The following TRMT1 variants were observed in gnomAD, a reference collection of about 807,000 sequenced individuals.
TRMT1 encodes tRNA methyltransferase 1, also known as tRNA (guanine(26)-N(2))-dimethyltransferase.
In TRMT1, 63 loss-of-function variants were observed where a neutral mutation model predicts 75.4. The ratio of observed to expected loss-of-function variants is 0.84; its 90% CI spans 0.68 to 1.03. TRMT1 has a LOEUF of 1.03. Ranked by LOEUF, TRMT1 falls within the 50% of genes least tolerant of loss-of-function variation. The pLI, the probability that TRMT1 is intolerant of heterozygous loss-of-function variation, is 0.00. For missense variants in TRMT1, 870 were observed against 905.3 expected (o/e 0.96, Z 0.50); for synonymous variants, 382 against 358.1 (o/e 1.07, Z -0.75).
rs1190286649 is a variant in TRMT1 at position 13,116,060 on chromosome 19, G to A, written c.255-8C>T. 6.2e-7 allele frequency: 1 copy of A among 1,614,032 alleles called. No individual in the cohort carries two copies. Among genetic ancestry groups the A allele is most frequent in the Non-Finnish European group, 8.5e-7 (1 of 1,180,014 alleles). ...TCGGTGATCACAGCACATCTGGTGGGAGACAGAGGACTAGCTCATACCCCG... is the reference window on the plus strand; with the variant it reads ...TCGGTGATCACAGCACATCTGGTGGAAGACAGAGGACTAGCTCATACCCCG... On this transcript the variant is annotated splice_polypyrimidine_tract_variant and splice_region_variant and intron_variant, in intron 2 of 16. Coordinates refer to ENST00000357720, the MANE Select transcript of TRMT1 (RefSeq NM_001136035.4).
rs2019342292 is a variant in TRMT1 at position 13,116,129 on chromosome 19, G to A, written c.254+17C>T. Reference sequence around the variant, plus strand: ...ACCCACTAGCCGATGCCAGGCTAACGTCTGACCCCTGCTCACGTCAGGTCC... The same window carrying A: ...ACCCACTAGCCGATGCCAGGCTAACATCTGACCCCTGCTCACGTCAGGTCC... On this transcript the variant is annotated intron_variant, in intron 2 of 16. Transcript: ENST00000357720. 1.2e-6 allele frequency: 2 copies of A among 1,613,918 alleles called. No homozygotes were observed. Among genetic ancestry groups the A allele is most frequent in the Admixed American group, 1.7e-5 (1 of 59,992 alleles).
At chr19:13,113,320 C>T (rs773040904) in intron 5 of TRMT1, among the ~76,000 whole-genome samples, 2 of 151,974 alleles carry the variant, frequency 1.3e-5, no homozygotes, top group African/African-American at 2.4e-5. Context: ...TGTGCCACCA[C>T]GCCCAGCTAA....
intron 7 of TRMT1, 124 bp downstream of exon 7, chr19:13,112,581 T>C (rs2019182955): frequency 1.2e-6 from 1 of 815,110 alleles, no homozygotes; most frequent in African/African-American, 1.7e-5. Flanking sequence ...CAGCCTGGGA[T>C]GCATCTGGCC....
chr19:13,112,423 T>C (rs184514263), intron 7 of TRMT1, among the ~76,000 whole-genome samples: 1 of 151,724 alleles, frequency 6.6e-6, no homozygotes, highest in Non-Finnish European at 1.5e-5. Context: ...AAAAAAAAAA[T>C]TTTTTTTTGA....
At position 13,105,320 on chromosome 19, in the gene TRMT1, C is replaced by T. The variant is rs2018805683; in HGVS notation, c.1780G>A (p.Val594Met). The T allele has an allele frequency of 6.2e-7, 1 of 1,613,966 alleles. No homozygotes were observed. The highest frequency in any genetic ancestry group is 8.5e-7 in the Non-Finnish European group (1 of 1,180,048). The change falls in exon 16 of 17, where the codon GTG becomes ATG. Residue 594 changes from valine (V) to methionine (M), a missense_variant. Coordinates refer to ENST00000357720, the MANE Select transcript of TRMT1 (RefSeq NM_001136035.4). ...TTGAGCCGGGCAGCCCGCTGGGCCA[C>T]ATCTTCCGGCGGCTCCTTCCGCTTG... ...QNKRKEPPED[V>M]AQRAARLKTF...
rs761371515 is a variant in TRMT1 at position 13,116,215 on chromosome 19, G to C, written c.185C>G (p.Ala62Gly). Residue 62 changes from alanine (A) to glycine (G), a missense_variant, in exon 2 of 17, where the codon GCC (alanine) becomes GGC (glycine). Coordinates refer to ENST00000357720, the MANE Select transcript of TRMT1 (RefSeq NM_001136035.4). ...GTTGGCACTGGGAAAGGCGATTTTG[G>C]CAGCCCCCTCGGTGACTGTCGTCTC... ...VQETTVTEGA[A>G]KIAFPSANEV... The C allele has an allele frequency of 6.2e-7, 1 of 1,614,168 alleles. No homozygotes were observed.
Position 13,111,814 on chromosome 19 carries a change from C to T in TRMT1, c.870+891G>A, listed in dbSNP as rs2019154657. On this transcript the variant is annotated intron_variant, in intron 7 of 16. Coordinates refer to ENST00000357720, the MANE Select transcript of TRMT1 (RefSeq NM_001136035.4). ...TCCTGGGTTCACGCCATTCTCCTGC[C>T]TCCGCCTCCCGAACAGCTGGGACTA... is the stretch of plus-strand genomic sequence containing the variant. Among the ~76,000 whole-genome samples, 5 of 152,116 alleles carry T rather than the reference C, an allele frequency of 3.3e-5. No homozygotes were observed. In the South Asian group the frequency reaches 8.3e-4, roughly 25 times the overall value.
At chr19:13,111,305 G>T (rs1358272824) in intron 7 of TRMT1, among the ~76,000 whole-genome samples, 1 of 152,052 alleles carries the variant, frequency 6.6e-6, no homozygotes, top group East Asian at 1.9e-4. Flanking sequence ...GAAAGTGCTA[G>T]GATTACAGGC....
rs1325348015 is a variant in TRMT1 at position 13,115,367 on chromosome 19, C to A, written c.553G>T (p.Ala185Ser). The A allele has an allele frequency of 6.2e-7, 1 of 1,613,982 alleles. No homozygotes were observed. Among genetic ancestry groups the A allele is most frequent in the Non-Finnish European group, 8.5e-7 (1 of 1,180,036 alleles). Residue 185 changes from alanine to serine, a missense_variant, in exon 5 of 17, where the codon GCC (alanine) becomes TCC (serine). Coordinates refer to ENST00000357720, the MANE Select transcript of TRMT1 (RefSeq NM_001136035.4). ...ATGAGATCCACAGCCCGGGTGGAGG[C>A]ATCGTTTGCAACCACAGATCTGAGC... Reference protein sequence around the residue: ...PGLRSVVANDASTRAVDLIRR... With the variant: ...PGLRSVVANDSSTRAVDLIRR...
rs1401241989 is a variant in TRMT1 at position 13,107,857 on chromosome 19, G to T, written c.1400C>A (p.Ser467Ter). 3.2e-6 allele frequency: 5 copies of T among 1,551,336 alleles called. No individual in the cohort carries two copies. In the South Asian group the frequency reaches 3.6e-5, roughly 11 times the overall value. The change falls in exon 13 of 17, where the codon TCG becomes TAG. Residue 467 changes from serine (S) to a stop codon, truncating the protein, a stop_gained and splice_region_variant. Transcript: ENST00000357720. LOFTEE classifies it high-confidence loss of function. ...CCGGAAGTCAGCGTGGAGGAGGGCC[G>T]ACCTGGGGAACAGCAGGGATTATGA... ...CNTPSLLQLRSALLHADFRVS... is the reference protein window; with the variant it reads ...CNTPSLLQLR
chr19:13,108,812 T>G (rs1375440445), intron 12 of TRMT1, among the ~76,000 whole-genome samples: 2 of 146,306 alleles, frequency 1.4e-5, no homozygotes, highest in Non-Finnish European at 3.0e-5. Context: ...GTTTAACCAT[T>G]TTGACCACGC....
chr19:13,107,483 C>G, intron 14 of TRMT1, 91 bp downstream of exon 14: 1 of 1,422,818 alleles, frequency 7.0e-7, no homozygotes, highest in Non-Finnish European at 9.7e-7. Flanking sequence ...GGGCACGAGT[C>G]TGTGTGGGGC....
At chr19:13,109,890 C>T in intron 9 of TRMT1, 25 bp downstream of exon 9, 1 of 1,614,016 alleles carries the variant, frequency 6.2e-7, no homozygotes, top group Non-Finnish European at 8.5e-7. Flanking sequence ...TGGGACTCCC[C>T]TTCTTCTCCT....
intron 14 of TRMT1, among the ~76,000 whole-genome samples, chr19:13,106,647 T>A (rs1157433830): frequency 6.7e-6 from 1 of 149,478 alleles, no homozygotes; most frequent in Non-Finnish European, 1.5e-5. Flanking sequence ...GGCTAATTTT[T>A]TTTTTTTTTT....
chr19:13,113,623 C>A (rs1475877824), intron 5 of TRMT1, among the ~76,000 whole-genome samples: 1 of 150,338 alleles, frequency 6.7e-6, no homozygotes, highest in African/African-American at 2.4e-5. Context: ...TTTTTCCTTT[C>A]TTTGGAGACA....
rs777601003 is a variant in TRMT1, at chr19:13,109,902, C to T, written c.1106+13G>A. 10 of 1,614,086 alleles carry T rather than the reference C, an allele frequency of 6.2e-6. No homozygotes were observed. In the South Asian group the frequency reaches 1.1e-4, roughly 18 times the overall value. On this transcript the variant is annotated intron_variant, in intron 9 of 16. Coordinates refer to ENST00000357720, the MANE Select transcript of TRMT1 (RefSeq NM_001136035.4). ...CCCTGGGACTCCCCTTCTTCTCCTTCCTCCCTGCTCACCGGCCGCTGGGGA... is the reference window on the plus strand; with the variant it reads ...CCCTGGGACTCCCCTTCTTCTCCTTTCTCCCTGCTCACCGGCCGCTGGGGA...
intron 5 of TRMT1, among the ~76,000 whole-genome samples, chr19:13,114,292 T>C (rs1599955801): frequency 6.6e-6 from 1 of 151,774 alleles, no homozygotes; most frequent in Non-Finnish European, 1.5e-5. Context: ...AAGGCCGAGG[T>C]GGGCAGATCA....
chr19:13,110,812 T>C (rs1382262443), intron 7 of TRMT1, among the ~76,000 whole-genome samples: 1 of 151,936 alleles, frequency 6.6e-6, no homozygotes, highest in Non-Finnish European at 1.5e-5. Context: ...TAGCTGGGTG[T>C]GGTGGCGGGC....
chr19:13,110,416 A>G, intron 7 of TRMT1, 110 bp from the exon 8 acceptor site: 4 of 1,306,526 alleles, frequency 3.1e-6, no homozygotes, highest in Non-Finnish European at 4.1e-6. Flanking sequence ...CTGGGATCCA[A>G]GCCCACCCCT....
Sources: gnomAD v4.1 joint callset for allele counts (sites outside exome capture counted in the v4.1 genomes callset) on GRCh38, gnomAD v4.1.1 for gene constraint, MANE v1.5 for transcripts, NCBI Gene and HGNC (gene_info 2026-07-23, HGNC 2026-07-21) for gene names.